PHEX: variants seen among roughly 807,000 people sequenced by gnomAD.
The protein encoded by PHEX is phosphate regulating endopeptidase X-linked.
Under a neutral mutation model 68.0 loss-of-function variants are expected in PHEX, and 16 were observed. The ratio of observed to expected loss-of-function variants is 0.24; its 90% confidence interval spans 0.16 to 0.36. The LOEUF (loss-of-function observed/expected upper bound fraction) is 0.36, where lower values mean the gene tolerates loss of function less well. Ranked by LOEUF, PHEX falls within the 10% of genes least tolerant of loss-of-function variation. The pLI, the probability that PHEX is intolerant of heterozygous loss-of-function variation, is 1.00. For synonymous variants in PHEX, 208 were observed against 205.1 expected, an observed-to-expected ratio of 1.01 and a Z score of -0.12; for missense variants, 480 against 575.5, an observed-to-expected ratio of 0.83 and a Z score of 1.70.
Position 22,097,676 on chromosome X carries a change from G to T in PHEX, c.933+638G>T, listed in dbSNP as rs188893082. 6 of 634,587 alleles carry T rather than the reference G, an allele frequency of 9.5e-6. No individual in the cohort carries two copies. In the East Asian group the frequency reaches 9.9e-4, roughly 104 times the overall value. The allele number at this position is 634,587 out of a possible 1,213,427, so 52.3% of individuals were successfully genotyped here. ...GGCAAGGAAGAAAAGGTTGGGAAAA[G>T]ACTTTTAGAGTAGCCAATCTAAAAA... is the stretch of plus-strand genomic sequence containing the variant. On this transcript the variant is annotated intron_variant, in intron 8 of 21. Transcript: ENST00000379374.
At chrX:22,209,952 AAAAT>A (rs1167346793) in intron 15 of PHEX, among the ~76,000 whole-genome samples, 2 of 106,113 alleles carry the variant, frequency 1.9e-5, no homozygotes, top group African/African-American at 3.4e-5. Flanking sequence ...AAAAAAAAAA[AAAAT>A]AAATAAATAA....
chrX:22,224,965 T>G (rs1935411287), intron 18 of PHEX, among the ~76,000 whole-genome samples: 1 of 113,657 alleles, frequency 8.8e-6, no homozygotes, highest in African/African-American at 3.2e-5. Flanking sequence ...TACAGCGCTG[T>G]ATGATTTATT....
chrX:22,160,269 C>A (rs1933074993), intron 12 of PHEX, among the ~76,000 whole-genome samples: 1 of 111,756 alleles, frequency 8.9e-6, no homozygotes, highest in African/African-American at 3.2e-5. Context: ...CATGTGCAGG[C>A]TGGGCACAGT....
chrX:22,211,411 C>G (rs6528097), intron 15 of PHEX, among the ~76,000 whole-genome samples: 1 of 110,675 alleles, frequency 9.0e-6, no homozygotes, highest in South Asian at 3.8e-4. Flanking sequence ...AGTCATTAGC[C>G]TGAGTGTTAC....
chrX:22,145,235 C>A (rs963639691), intron 12 of PHEX, among the ~76,000 whole-genome samples: 1 of 112,078 alleles, frequency 8.9e-6, no homozygotes, highest in Non-Finnish European at 1.9e-5. Flanking sequence ...ACCTGGGAAG[C>A]TTTTTAAAAA....
chrX:22,132,977 C>A (rs1932079321), intron 11 of PHEX, among the ~76,000 whole-genome samples: 1 of 110,784 alleles, frequency 9.0e-6, no homozygotes, highest in African/African-American at 3.3e-5. Flanking sequence ...ACCTCCACCT[C>A]TTGGGCTCAA....
intron 1 of PHEX, among the ~76,000 whole-genome samples, chrX:22,036,189 A>G (rs1927013303): frequency 9.5e-6 from 1 of 105,440 alleles, no homozygotes; most frequent in East Asian, 3.0e-4. Flanking sequence ...CCTCCTGAGT[A>G]GCTGGGATTA....
At chrX:22,108,885 T>C (rs1488342616) in intron 9 of PHEX, among the ~76,000 whole-genome samples, 2 of 103,669 alleles carry the variant, frequency 1.9e-5, no homozygotes, top group African/African-American at 7.3e-5. Context: ...GAGGTTGCAG[T>C]GAGTGGAGAT....
intron 3 of PHEX, among the ~76,000 whole-genome samples, chrX:22,049,950 A>G (rs1419238537): frequency 8.9e-6 from 1 of 112,573 alleles, no homozygotes; most frequent in African/African-American, 3.2e-5. Flanking sequence ...TTTCTGTGGT[A>G]TAAAGTAGAA....
At chrX:22,098,795 CAAAA>C (rs746223770) in intron 8 of PHEX, among the ~76,000 whole-genome samples, 1,081 of 11,176 alleles carry the variant, frequency 0.097, 27 homozygotes, top group Middle Eastern at 0.4. Flanking sequence ...GAGAATGTCT[CAAAA>C]AAAAAAAAAA....
rs1171853520 is a variant in PHEX at position 22,250,728 on chromosome X, GACAT to G, written c.*2776_*2779del. 8.9e-6 allele frequency: 1 copy of G among 112,188 alleles called. No homozygotes were observed. The highest frequency in any genetic ancestry group is 1.9e-5 in the Non-Finnish European group (1 of 53,226). 9.2% of individuals were successfully genotyped at this position (112,188 alleles called of 1,213,427 possible). A position where few individuals can be genotyped will look rare whatever the true frequency, so the allele number is the denominator to read the frequency against. On this transcript the variant is annotated 3_prime_UTR_variant, in exon 22 of 22. Coordinates refer to ENST00000379374, the MANE Select transcript of PHEX (RefSeq NM_000444.6). ...TTATTCATTTTATGAGATGGACTTG[GACAT>G]CACTAATGCAAACACAGGATTCATA...
At chrX:22,152,802 T>C (rs1328453496) in intron 12 of PHEX, among the ~76,000 whole-genome samples, 1 of 111,898 alleles carries the variant, frequency 8.9e-6, no homozygotes, top group Non-Finnish European at 1.9e-5. Context: ...GTCTCAGGCC[T>C]ACTAACACAG....
intron 5 of PHEX, among the ~76,000 whole-genome samples, chrX:22,081,333 A>T (rs377358245): frequency 9.0e-6 from 1 of 111,068 alleles, no homozygotes; most frequent in Non-Finnish European, 1.9e-5. Context: ...TCCTTCTCAG[A>T]TCCTGCCATG....
At chrX:22,228,481 C>A (rs143178342) in intron 20 of PHEX, among the ~76,000 whole-genome samples, 1 of 111,870 alleles carries the variant, frequency 8.9e-6, no homozygotes, top group African/African-American at 3.2e-5. Flanking sequence ...TGCTTGCCTG[C>A]GGTCTTTTAT....
intron 5 of PHEX, 83 bp from the exon 6 acceptor site, chrX:22,090,346 G>T: frequency 6.6e-6 from 5 of 752,272 alleles, no homozygotes; most frequent in Non-Finnish European, 1.0e-5. Flanking sequence ...TGGCTGGGAT[G>T]CAGACGATTT....
At chrX:22,034,458 C>T (rs1926925315) in intron 1 of PHEX, among the ~76,000 whole-genome samples, 2 of 112,363 alleles carry the variant, frequency 1.8e-5, no homozygotes, top group South Asian at 3.6e-4. Context: ...AAAGATTCTC[C>T]GCGGCAGCAA....
intron 16 of PHEX, among the ~76,000 whole-genome samples, chrX:22,214,532 G>A (rs952976538): frequency 8.9e-6 from 1 of 112,128 alleles, no homozygotes; most frequent in Non-Finnish European, 1.9e-5. Context: ...GCTCAGTCTT[G>A]CTGGGGAACT....
At chrX:22,051,352 G>A (rs191622036) in intron 3 of PHEX, among the ~76,000 whole-genome samples, 181 of 111,435 alleles carry the variant, frequency 1.6e-3, no homozygotes, top group African/African-American at 5.5e-3. Context: ...CCAATGTGGC[G>A]AAACCCTGTT....
At chrX:22,070,479 A>G (rs1331874969) in intron 3 of PHEX, among the ~76,000 whole-genome samples, 1 of 111,763 alleles carries the variant, frequency 8.9e-6, no homozygotes, top group African/African-American at 3.3e-5. Context: ...TAGGAATTGA[A>G]GACCAGCCTG....
Sources: gnomAD v4.1 joint callset for allele counts (sites outside exome capture counted in the v4.1 genomes callset) on GRCh38, gnomAD v4.1.1 for gene constraint, MANE v1.5 for transcripts, NCBI Gene and HGNC (gene_info 2026-07-23, HGNC 2026-07-21) for gene names.